ITPKB: variants seen among roughly 807,000 people sequenced by gnomAD.
ITPKB encodes the protein IP3 3-kinase B.
A neutral mutation model predicts 69.4 loss-of-function variants in ITPKB; 13 were observed. That is an observed-to-expected ratio of 0.19 (90% CI 0.12 to 0.30). The LOEUF is 0.30. Among genes scored for constraint, ITPKB ranks in the 10% least tolerant of loss-of-function variants. ITPKB has a pLI of 1.00. For synonymous variants in ITPKB, 584 were observed against 513.7 expected, an observed-to-expected ratio of 1.14 and a Z score of -1.85; for missense variants, 1,240 against 1,250.5, an observed-to-expected ratio of 0.99 and a Z score of 0.13.
rs932451526 is a variant in ITPKB at position 226,738,429 on chromosome 1, C to T, written c.-206+612G>A. On this transcript the variant is annotated intron_variant, in intron 1 of 7. Coordinates refer to ENST00000429204, the MANE Select transcript of ITPKB (RefSeq NM_002221.4). This position sits in a 1 kb window ranked among gnomAD's most constrained non-coding sequence, Gnocchi z 4.2. ...CTTTACCGGAACCAGTACTTGCTGC[C>T]CCCCTGCCGTCGTCCCCTATGGGGG... 1.8e-4 allele frequency among the ~76,000 whole-genome samples: 28 copies of T among 152,338 alleles called. No homozygotes were observed. Among genetic ancestry groups the T allele is most frequent in the African/African-American group, 6.3e-4 (26 of 41,578 alleles).
At chr1:226,660,950 C>T (rs1669392766) in intron 2 of ITPKB, among the ~76,000 whole-genome samples, 1 of 152,212 alleles carries the variant, frequency 6.6e-6, no homozygotes, top group Non-Finnish European at 1.5e-5. Context: ...ATCCACTCCT[C>T]CCCAGAGATT....
intron 2 of ITPKB, among the ~76,000 whole-genome samples, chr1:226,703,459 G>T (rs1303260523): frequency 6.6e-6 from 1 of 152,210 alleles, no homozygotes; most frequent in East Asian, 1.9e-4. Flanking sequence ...GCTCTACAGG[G>T]GGCTTTTCTT....
Position 226,641,993 on chromosome 1 carries a change from C to T in ITPKB, c.2379G>A (p.Lys793=), listed in dbSNP as rs749105159. 6.2e-7 allele frequency: 1 copy of T among 1,614,112 alleles called. No individual in the cohort carries two copies. Among genetic ancestry groups the T allele is most frequent in the Non-Finnish European group, 8.5e-7 (1 of 1,180,054 alleles). ...EEEKAQRAVT[K]PRYMQWRETI... is the part of the protein sequence containing the mutation. ...TCTCCCGCCACTGCATGTACCGTGGCTTGGTCACAGCCCGCTGTGCTTTTT... is the reference window on the plus strand; with the variant it reads ...TCTCCCGCCACTGCATGTACCGTGGTTTGGTCACAGCCCGCTGTGCTTTTT... Residue 793 remains lysine, a synonymous_variant, in exon 5 of 8, where the codon AAG becomes AAA. Coordinates refer to ENST00000429204, the MANE Select transcript of ITPKB (RefSeq NM_002221.4). The surrounding 1 kb of genome is among the most constrained non-coding windows in gnomAD (Gnocchi z 4.6).
intron 2 of ITPKB, among the ~76,000 whole-genome samples, chr1:226,677,004 G>A (rs1669746294): frequency 6.6e-6 from 1 of 152,148 alleles, no homozygotes; most frequent in South Asian, 2.1e-4. Context: ...CATCCCCTGA[G>A]CACCTGGGAA....
chr1:226,721,131 G>A (rs953552713), intron 2 of ITPKB, among the ~76,000 whole-genome samples: 7 of 151,324 alleles, frequency 4.6e-5, no homozygotes, highest in Non-Finnish European at 1.0e-4. Context: ...ATCACCTGAG[G>A]TCGGGAGTTC....
intron 2 of ITPKB, among the ~76,000 whole-genome samples, chr1:226,691,936 T>C (rs1173658021): frequency 2.6e-5 from 4 of 152,154 alleles, no homozygotes; most frequent in African/African-American, 9.7e-5. Context: ...CTGGAGTCTG[T>C]AGCACTCTTT....
chr1:226,663,178 G>A (rs902639800), intron 2 of ITPKB, among the ~76,000 whole-genome samples: 3 of 152,098 alleles, frequency 2.0e-5, no homozygotes, highest in Non-Finnish European at 4.4e-5. Context: ...TTGACTCATC[G>A]CCCTTCCCCG....
At chr1:226,689,567 ATTTG>A (rs1553255305) in intron 2 of ITPKB, among the ~76,000 whole-genome samples, 49 of 93,804 alleles carry the variant, frequency 5.2e-4, no homozygotes, top group African/African-American at 2.0e-3. Flanking sequence ...GGAAGGTTTT[ATTTG>A]TGTGTGTGTG....
intron 4 of ITPKB, among the ~76,000 whole-genome samples, chr1:226,644,622 G>A (rs3754380): frequency 0.19 from 28,525 of 152,144 alleles, 3,418 homozygotes; most frequent in African/African-American, 0.34. Context: ...AAGAAGCCCC[G>A]ACGTGCAGAC....
At chr1:226,652,965 G>T (rs1202765673) in intron 2 of ITPKB, among the ~76,000 whole-genome samples, 2 of 152,134 alleles carry the variant, frequency 1.3e-5, no homozygotes, top group Admixed American at 1.3e-4. Flanking sequence ...AGGGGGACTT[G>T]CTGCTGGCCG....
chr1:226,694,169 T>G (rs1305198409), intron 2 of ITPKB, among the ~76,000 whole-genome samples: 1 of 152,228 alleles, frequency 6.6e-6, no homozygotes, highest in Non-Finnish European at 1.5e-5. Context: ...ACCAATCTCA[T>G]TTCTTCTTTT....
chr1:226,728,196 T>C (rs1281775979), intron 2 of ITPKB, among the ~76,000 whole-genome samples: 4 of 152,182 alleles, frequency 2.6e-5, no homozygotes, highest in African/African-American at 9.6e-5. Context: ...TTATAAAACT[T>C]ACCAGCTGAT....
chr1:226,733,396 G>A (rs1362199206), intron 2 of ITPKB, among the ~76,000 whole-genome samples: 1 of 152,158 alleles, frequency 6.6e-6, no homozygotes, highest in Non-Finnish European at 1.5e-5. Flanking sequence ...AATATCTATT[G>A]CAGGTAATCA....
At position 226,634,323 on chromosome 1, in the gene ITPKB, G is replaced by A. The variant is rs1668783171; in HGVS notation, c.*348C>T. On this transcript the variant is annotated 3_prime_UTR_variant, in exon 8 of 8. Transcript: ENST00000429204. This position sits in a 1 kb window ranked among gnomAD's most constrained non-coding sequence, Gnocchi z 6.3. ...AGGGGGCAGCAGGCCTCCGCAGGTGGTAGGTCCAGGCTGGTGCTTCCTAGG... is the reference window on the plus strand; with the variant it reads ...AGGGGGCAGCAGGCCTCCGCAGGTGATAGGTCCAGGCTGGTGCTTCCTAGG... 2 of 224,008 alleles carry A rather than the reference G, an allele frequency of 8.9e-6. No individual in the cohort carries two copies. Among genetic ancestry groups the A allele is most frequent in the African/African-American group, 2.3e-5 (1 of 44,232 alleles). 13.9% of individuals were successfully genotyped at this position (224,008 alleles called of 1,614,324 possible). A position where few individuals can be genotyped will look rare whatever the true frequency, so the allele number is the denominator to read the frequency against.
At chr1:226,703,607 G>C (rs1460422780) in intron 2 of ITPKB, among the ~76,000 whole-genome samples, 1 of 152,202 alleles carries the variant, frequency 6.6e-6, no homozygotes, top group Non-Finnish European at 1.5e-5. Flanking sequence ...CGGCGGTGCC[G>C]GTCACGTGAC....
In ITPKB at chr1:226,637,770, C is replaced by T; in HGVS notation, c.2554-20G>A. 1 of 1,604,292 alleles carries T rather than the reference C, an allele frequency of 6.2e-7. No homozygotes were observed. Among genetic ancestry groups the T allele is most frequent in the Non-Finnish European group, 8.5e-7 (1 of 1,171,770 alleles). ...GGCGATCTGGGAATAGAAAGAGGAC[C>T]AGATTTTTAAGCGCCGCGTGGGGAA... On this transcript the variant is annotated intron_variant, in intron 6 of 7. Coordinates refer to ENST00000429204, the MANE Select transcript of ITPKB (RefSeq NM_002221.4). The surrounding 1 kb of genome is among the most constrained non-coding windows in gnomAD (Gnocchi z 4.3).
chr1:226,712,586 G>C (rs1397911000), intron 2 of ITPKB, among the ~76,000 whole-genome samples: 2 of 152,172 alleles, frequency 1.3e-5, no homozygotes, highest in African/African-American at 4.8e-5. Flanking sequence ...ACCGTGAAGG[G>C]AGCGCTCGGC....
In ITPKB at chr1:226,642,958, C is replaced by T. The variant is rs750320444; in HGVS notation, c.2247-833G>A. ...GGGTCCCAGTGTGGATGGAGAAGGC[C>T]GTATTGTGGGGGAAAGGCAGGGGGC... On this transcript the variant is annotated intron_variant, in intron 4 of 7. Coordinates refer to ENST00000429204, the MANE Select transcript of ITPKB (RefSeq NM_002221.4). This position sits in a 1 kb window ranked among gnomAD's most constrained non-coding sequence, Gnocchi z 6.4. 3.3e-5 allele frequency among the ~76,000 whole-genome samples: 5 copies of T among 152,114 alleles called. No homozygotes were observed. Among genetic ancestry groups the T allele is most frequent in the East Asian group, 1.9e-4 (1 of 5,186 alleles).
Position 226,639,259 on chromosome 1 carries a change from T to C in ITPKB, c.2553+298A>G, listed in dbSNP as rs1309888666. ...TTTTAGTAAAGATGGAGTTTCACCA[T>C]GTTGGCCAGGCTGGTCTCAAACTTC... On this transcript the variant is annotated intron_variant, in intron 6 of 7. Transcript: ENST00000429204. 5.9e-5 allele frequency among the ~76,000 whole-genome samples: 9 copies of C among 152,270 alleles called. No homozygotes were observed. In the East Asian group the frequency reaches 1.7e-3, roughly 29 times the overall value.
Sources: gnomAD v4.1 joint callset for allele counts (sites outside exome capture counted in the v4.1 genomes callset) on GRCh38, gnomAD v4.1.1 for gene constraint, Gnocchi (gnomAD v3.1) non-coding constraint, MANE v1.5 for transcripts, NCBI Gene and HGNC (gene_info 2026-07-23, HGNC 2026-07-21) for gene names.